Variants in PLXNA4 observed in about 807,000 individuals in gnomAD.
The protein encoded by PLXNA4 is plexin-A4.
Under a neutral mutation model 191.8 loss-of-function variants are expected in PLXNA4, and 44 were observed. The observed-to-expected ratio is 0.23, with a 90% confidence interval of 0.18 to 0.29. The LOEUF (loss-of-function observed/expected upper bound fraction) is 0.29. PLXNA4 is among the 10% of genes least tolerant of loss of function. The probability of loss-of-function intolerance (pLI) is 1.00; values close to 1 mark genes in which losing one functional copy is unlikely to be tolerated. For missense variants in PLXNA4, 1,800 were observed against 2,488.8 expected (o/e 0.72, Z 5.89); for synonymous variants, 1,082 against 1,009.5 (o/e 1.07, Z -1.36).
intron 2 of PLXNA4, among the ~76,000 whole-genome samples, chr7:132,643,870 T>C (rs1332582754): frequency 6.6e-6 from 1 of 152,108 alleles, no homozygotes; most frequent in Non-Finnish European, 1.5e-5. Flanking sequence ...AAGGATCGCT[T>C]GAGCCCAGGA....
At chr7:132,315,574 G>T (rs925019440) in intron 3 of PLXNA4, among the ~76,000 whole-genome samples, 1 of 152,162 alleles carries the variant, frequency 6.6e-6, no homozygotes, top group Non-Finnish European at 1.5e-5. Flanking sequence ...AACAAGTGCT[G>T]GATCTCATTT....
intron 25 of PLXNA4, 124 bp downstream of exon 25, chr7:132,159,349 C>A: frequency 6.8e-7 from 1 of 1,472,530 alleles, no homozygotes; most frequent in Non-Finnish European, 9.2e-7. Flanking sequence ...CCATGCCTGA[C>A]TCCCTCCAGC....
Position 132,564,009 on chromosome 7 carries a change from TCTCCTCCTCCTTCTCCTCCTCCTTCTC to T in PLXNA4, c.-87+12386_-87+12412del, listed in dbSNP as rs1563177307. 3.8e-3 allele frequency among the ~76,000 whole-genome samples: 108 copies of T among 28,150 alleles called. 3 individuals are homozygous for T. The highest frequency in any genetic ancestry group is 6.8e-3 in the Non-Finnish European group (101 of 14,894). The allele number at this position is 28,150 out of a possible 152,430, so 18.5% of individuals were successfully genotyped here. ...TCCTCCTCCTCCTTCTCCTCCTCCT[TCTCCTCCTCCTTCTCCTCCTCCTTCTC>T]CTCCTTTTCCTCCCCCTCTTTCTCC... On this transcript the variant is annotated intron_variant, in intron 1 of 31. Transcript: ENST00000321063.
intron 3 of PLXNA4, among the ~76,000 whole-genome samples, chr7:132,418,528 T>C (rs1794740683): frequency 6.6e-6 from 1 of 152,188 alleles, no homozygotes; most frequent in East Asian, 1.9e-4. Context: ...GGGATGCCTA[T>C]TGTTAATGTC....
intron 2 of PLXNA4, among the ~76,000 whole-genome samples, chr7:132,506,272 C>T (rs948881763): frequency 6.6e-6 from 1 of 152,176 alleles, no homozygotes. Flanking sequence ...CCAGTCCCCA[C>T]TGAGATCTGC....
intron 15 of PLXNA4, 106 bp from the exon 16 acceptor site, chr7:132,185,569 G>A: frequency 2.1e-6 from 3 of 1,456,530 alleles, no homozygotes; most frequent in Non-Finnish European, 2.7e-6. Context: ...ATGCTCAGAG[G>A]CCATGGGTGG....
In PLXNA4 at chr7:132,526,345, A is replaced by G. The variant is rs575489769; in HGVS notation, c.-86-17566T>C. Among the ~76,000 whole-genome samples the G allele has an allele frequency of 2.0e-5, 3 of 152,338 alleles. No homozygotes were observed. In the South Asian group the frequency reaches 6.2e-4, roughly 32 times the overall value. On this transcript the variant is annotated intron_variant, in intron 1 of 31. Coordinates refer to ENST00000321063, the MANE Select transcript of PLXNA4 (RefSeq NM_020911.2). ...CCTGGCAGATGCCTGCACGCCTGTG[A>G]CAACTGCCTTCTCCTGATCCTCTTA...
chr7:132,510,593 A>G (rs1000404061), intron 1 of PLXNA4, among the ~76,000 whole-genome samples: 1 of 152,212 alleles, frequency 6.6e-6, no homozygotes, highest in African/African-American at 2.4e-5. Context: ...ACGCACGACA[A>G]AAAGTCACAT....
chr7:132,563,694 CCTT>C (rs1211698112), intron 1 of PLXNA4, among the ~76,000 whole-genome samples: 8 of 119,210 alleles, frequency 6.7e-5, no homozygotes, highest in Admixed American at 1.6e-4. Context: ...TCCTCCTCCT[CCTT>C]CTCCTCCTCC....
intron 2 of PLXNA4, among the ~76,000 whole-genome samples, chr7:132,635,600 G>A (rs760071949): frequency 5.9e-5 from 9 of 152,144 alleles, no homozygotes; most frequent in Non-Finnish European, 1.2e-4. Context: ...AGGAAGAAAT[G>A]CCGTGACAAT....
chr7:132,648,435 T>C, intron 1 of PLXNA4: 1 of 152,258 alleles, frequency 6.6e-6, no homozygotes, highest in East Asian at 1.9e-4. Flanking sequence ...TTCCTCTGCC[T>C]TCACACTCTC....
intron 4 of PLXNA4, among the ~76,000 whole-genome samples, chr7:132,249,398 G>A (rs777450747): frequency 1.7e-4 from 26 of 152,200 alleles, no homozygotes; most frequent in Non-Finnish European, 3.7e-4. Context: ...GCCAAGGAGC[G>A]AGTGCCGACG....
intron 3 of PLXNA4, among the ~76,000 whole-genome samples, chr7:132,374,242 TCATC>T (rs1804565882): frequency 6.6e-6 from 1 of 152,200 alleles, no homozygotes; most frequent in African/African-American, 2.4e-5. Context: ...TCCGTGGCCT[TCATC>T]CATGCCTAAC....
chr7:132,563,110 C>CTT (rs1801388790), intron 1 of PLXNA4, among the ~76,000 whole-genome samples: 3 of 39,440 alleles, frequency 7.6e-5, no homozygotes, highest in African/African-American at 1.9e-4. Flanking sequence ...CTCCTCCTCT[C>CTT]CCTCCTCCTC....
intron 1 of PLXNA4, among the ~76,000 whole-genome samples, chr7:132,561,440 CCTT>C (rs1365425550): frequency 2.9e-5 from 4 of 137,558 alleles, no homozygotes; most frequent in Admixed American, 7.2e-5. Context: ...TCCTCCCCCT[CCTT>C]CTTGTCCTCC....
intron 3 of PLXNA4, among the ~76,000 whole-genome samples, chr7:132,389,461 G>T (rs1805304738): frequency 6.6e-6 from 1 of 152,188 alleles, no homozygotes; most frequent in African/African-American, 2.4e-5. Flanking sequence ...GTAAGGAAGG[G>T]ATCTAGTTTC....
intron 9 of PLXNA4, among the ~76,000 whole-genome samples, chr7:132,218,918 A>C (rs1197017215): frequency 1.3e-5 from 2 of 152,180 alleles, no homozygotes; most frequent in Non-Finnish European, 2.9e-5. Flanking sequence ...ACAATGATTG[A>C]CCAGTTCTCT....
intron 3 of PLXNA4, among the ~76,000 whole-genome samples, chr7:132,329,806 T>TG (rs1584999680): frequency 6.6e-6 from 1 of 152,172 alleles, no homozygotes; most frequent in East Asian, 1.9e-4. Flanking sequence ...CAGGTTCTTG[T>TG]CCTGCTGCCA....
At chr7:132,415,344 G>T (rs1794624737) in intron 3 of PLXNA4, among the ~76,000 whole-genome samples, 1 of 152,228 alleles carries the variant, frequency 6.6e-6, no homozygotes, top group Admixed American at 6.5e-5. Context: ...AGACGTGTGT[G>T]TGTGCACGGG....
Sources: gnomAD v4.1 joint callset for allele counts (sites outside exome capture counted in the v4.1 genomes callset) on GRCh38, gnomAD v4.1.1 for gene constraint, MANE v1.5 for transcripts, NCBI Gene and HGNC (gene_info 2026-07-23, HGNC 2026-07-21) for gene names.